The following ITPR1 variants were observed in gnomAD, a reference collection of about 807,000 sequenced individuals.
ITPR1 encodes the protein inositol 1,4,5-trisphosphate-gated calcium channel ITPR1.
In ITPR1, 96 loss-of-function variants were observed where a neutral mutation model predicts 318.4. The ratio of observed to expected loss-of-function variants is 0.30; its 90% CI spans 0.26 to 0.36. The LOEUF (loss-of-function observed/expected upper bound fraction) is 0.36, where lower values mean the gene tolerates loss of function less well. ITPR1 is among the 10% of genes least tolerant of loss of function. The probability of loss-of-function intolerance (pLI) is 1.00; values close to 1 mark genes in which losing one functional copy is unlikely to be tolerated. For synonymous variants in ITPR1, 1,312 were observed against 1,289.9 expected, an observed-to-expected ratio of 1.02 and a Z score of -0.37; for missense variants, 2,440 against 3,460.2, an observed-to-expected ratio of 0.71 and a Z score of 7.40.
At chr3:4,787,014 A>C (rs2047236760) in intron 51 of ITPR1, among the ~76,000 whole-genome samples, 1 of 152,196 alleles carries the variant, frequency 6.6e-6, no homozygotes, top group Non-Finnish European at 1.5e-5. Context: ...GTCACTAGCT[A>C]TGTATGGCTA....
At chr3:4,665,030 A>T (rs572291469) in intron 16 of ITPR1, 108 bp from the exon 17 acceptor site, 1 of 1,193,520 alleles carries the variant, frequency 8.4e-7, no homozygotes, top group South Asian at 1.3e-5. Context: ...GGATAGAGAA[A>T]TTTTCTAATG....
intron 4 of ITPR1, among the ~76,000 whole-genome samples, chr3:4,548,532 C>T (rs1456560876): frequency 2.0e-5 from 3 of 152,158 alleles, no homozygotes; most frequent in East Asian, 3.9e-4. Context: ...TCCCGAAGCC[C>T]GTATGCCTCC....
At position 4,635,220 on chromosome 3, in the gene ITPR1, G is replaced by C. The variant is rs2125141115; in HGVS notation, c.280-4164G>C. 1.3e-5 allele frequency among the ~76,000 whole-genome samples: 2 copies of C among 152,366 alleles called. 1 individual carries two copies. The highest frequency in any genetic ancestry group is 1.3e-4 in the Admixed American group (2 of 15,308). ...TGCATATGCCAGGTTGTCCTCTTAG[G>C]AGAAACTCCTAGAAGTGGAATTGTT... On this transcript the variant is annotated intron_variant, in intron 5 of 61. Transcript: ENST00000649015.
intron 5 of ITPR1, among the ~76,000 whole-genome samples, chr3:4,628,778 G>A (rs955650966): frequency 6.6e-6 from 1 of 152,182 alleles, no homozygotes; most frequent in African/African-American, 2.4e-5. Context: ...CACTTACCAG[G>A]CACTCCCATC....
chr3:4,619,828 C>T (rs2092555837), intron 4 of ITPR1, among the ~76,000 whole-genome samples: 2 of 139,454 alleles, frequency 1.4e-5, no homozygotes, highest in Middle Eastern at 3.6e-3. Context: ...CTCCCCTCCT[C>T]TCCCCTCTCC....
chr3:4,506,642 A>C (rs1276477783), intron 2 of ITPR1, among the ~76,000 whole-genome samples: 1 of 152,228 alleles, frequency 6.6e-6, no homozygotes, highest in African/African-American at 2.4e-5. Flanking sequence ...CTGTATCCCC[A>C]GTACCTAGTA....
chr3:4,703,440 G>A (rs916191861), intron 36 of ITPR1, among the ~76,000 whole-genome samples: 5 of 152,002 alleles, frequency 3.3e-5, no homozygotes, highest in African/African-American at 7.3e-5. Flanking sequence ...CTCCTGTCCC[G>A]CCTCTCATAG....
chr3:4,536,275 G>C (rs528748596), intron 4 of ITPR1, among the ~76,000 whole-genome samples: 14 of 152,246 alleles, frequency 9.2e-5, no homozygotes, highest in African/African-American at 2.9e-4. Flanking sequence ...CTTAATTTCA[G>C]TTTTATGATT....
Position 4,766,693 on chromosome 3 carries a change from C to T in ITPR1, c.5708C>T (p.Ala1903Val). 6.3e-7 allele frequency: 1 copy of T among 1,599,504 alleles called. No individual in the cohort carries two copies. Among genetic ancestry groups the T allele is most frequent in the Non-Finnish European group, 8.5e-7 (1 of 1,172,638 alleles). Residue 1903 changes from alanine to valine, a missense_variant, in exon 45 of 62, where the codon GCC becomes GTC. Around this residue, in one of 23 missense-constraint regions of ITPR1, gnomAD observed 113 missense variants for 103.6 expected, o/e 1.09. Transcript: ENST00000649015. Reference protein sequence around the residue: ...KKKDDEVDRDAPSRKKAKEPT... With the variant: ...KKKDDEVDRDVPSRKKAKEPT... ...AAAGACGATGAGGTAGACAGGGATG[C>T]CCCATCACGGAAAAAAGGTAAATGT...
chr3:4,681,499 T>A (rs1339327184), intron 26 of ITPR1, 81 bp downstream of exon 26: 8 of 959,752 alleles, frequency 8.3e-6, no homozygotes, highest in African/African-American at 1.6e-5. Context: ...ATTATGTTAG[T>A]AAATATTTAG....
intron 51 of ITPR1, 25 bp from the exon 52 acceptor site, chr3:4,787,922 A>G (rs1317079728): frequency 6.5e-7 from 1 of 1,546,434 alleles, no homozygotes; most frequent in Non-Finnish European, 8.9e-7. Flanking sequence ...ATGAATATTT[A>G]ATCTCATCCA....
At chr3:4,758,541 C>T (rs1425519049) in intron 44 of ITPR1, among the ~76,000 whole-genome samples, 1 of 152,204 alleles carries the variant, frequency 6.6e-6, no homozygotes, top group Non-Finnish European at 1.5e-5. Context: ...GTCTTTTCCC[C>T]TGAACTTCCT....
At position 4,518,052 on chromosome 3, in the gene ITPR1, A is replaced by G. The variant is rs191304416; in HGVS notation, c.92+1469A>G. Reference sequence around the variant, plus strand: ...TTCAGAGAGGCAAAGTCACTTGCCCAAGATTTCACAGCTCAGAAAATTCCA... The same window carrying G: ...TTCAGAGAGGCAAAGTCACTTGCCCGAGATTTCACAGCTCAGAAAATTCCA... On this transcript the variant is annotated intron_variant, in intron 3 of 61. Transcript: ENST00000649015. Among the ~76,000 whole-genome samples the G allele has an allele frequency of 5.3e-4, 80 of 152,326 alleles. 1 individual carries two copies. Among genetic ancestry groups the G allele is most frequent in the African/African-American group, 1.9e-3 (79 of 41,576 alleles).
At chr3:4,644,656 A>G (rs949075772) in intron 8 of ITPR1, among the ~76,000 whole-genome samples, 1 of 152,216 alleles carries the variant, frequency 6.6e-6, no homozygotes, top group Non-Finnish European at 1.5e-5. Context: ...GCTTTTGGCA[A>G]TACATCTACT....
chr3:4,818,356 C>T, intron 60 of ITPR1, 114 bp downstream of exon 60: 1 of 810,310 alleles, frequency 1.2e-6, no homozygotes, highest in South Asian at 2.9e-5. Flanking sequence ...TCCGATGTTG[C>T]CTGAGCCCTT....
At chr3:4,715,482 A>G (rs1258844098) in intron 39 of ITPR1, among the ~76,000 whole-genome samples, 1 of 152,234 alleles carries the variant, frequency 6.6e-6, no homozygotes, top group Non-Finnish European at 1.5e-5. Flanking sequence ...CAGTTCCCAC[A>G]CAGAGGAATC....
At chr3:4,613,584 A>G (rs911072978) in intron 4 of ITPR1, among the ~76,000 whole-genome samples, 1 of 152,038 alleles carries the variant, frequency 6.6e-6, no homozygotes, top group Non-Finnish European at 1.5e-5. Context: ...CGGTGATGTC[A>G]TCTCTCTCTC....
intron 40 of ITPR1, 44 bp from the exon 41 acceptor site, chr3:4,725,502 A>T: frequency 6.4e-7 from 1 of 1,550,570 alleles, no homozygotes; most frequent in Non-Finnish European, 8.8e-7. Context: ...GGCCCACGAG[A>T]TGCAAGTGCC....
At chr3:4,587,987 A>C (rs1044354442) in intron 4 of ITPR1, among the ~76,000 whole-genome samples, 3 of 152,094 alleles carry the variant, frequency 2.0e-5, no homozygotes, top group Admixed American at 6.5e-5. Flanking sequence ...TTTACTGCCA[A>C]GCCTGCTCTG....
Sources: allele counts gnomAD v4.1 joint callset (sites outside exome capture counted in the v4.1 genomes callset), GRCh38; gene constraint gnomAD v4.1.1; regional missense constraint gnomAD v4.1.1; transcripts MANE v1.5; gene names NCBI Gene and HGNC (gene_info 2026-07-23, HGNC 2026-07-21).